Variants in TANC1 observed in about 807,000 individuals in gnomAD.
TANC1 encodes the protein protein TANC1.
Under a neutral mutation model 149.7 loss-of-function variants are expected in TANC1, and 77 were observed. The observed-to-expected ratio is 0.51, with a 90% CI of 0.43 to 0.62. The LOEUF (loss-of-function observed/expected upper bound fraction) is 0.62. Among genes scored for constraint, TANC1 ranks in the 20% least tolerant of loss-of-function variants. The pLI, the probability that TANC1 is intolerant of heterozygous loss-of-function variation, is 0.00. For synonymous variants in TANC1, 854 were observed against 925.0 expected (o/e 0.92, Z 1.39); for missense variants, 1,985 against 2,321.8 (o/e 0.85, Z 2.98).
chr2:159,225,251 T>G, intron 23 of TANC1: 2 of 217,548 alleles, frequency 9.2e-6, no homozygotes, highest in African/African-American at 2.3e-5. Context: ...GTTAGAGAGG[T>G]TGTGGCCGAG....
Position 159,225,795 on chromosome 2 carries a change from CT to C in TANC1, c.3903+20del, listed in dbSNP as rs767193779. On this transcript the variant is annotated intron_variant, in intron 24 of 26. Transcript: ENST00000263635. ...GATGTACAAAGTAAGTGGTTCCGCC[CT>C]TTTCTTTGCCATTGAAACTGCCTGG... is the stretch of plus-strand genomic sequence containing the variant. 10 of 1,594,614 alleles carry C rather than the reference CT, an allele frequency of 6.3e-6. No homozygotes were observed. Among genetic ancestry groups the C allele is most frequent in the African/African-American group, 1.3e-5 (1 of 74,518 alleles).
At chr2:158,996,494 A>T (rs1000871243) in intron 1 of TANC1, among the ~76,000 whole-genome samples, 26 of 152,370 alleles carry the variant, frequency 1.7e-4, no homozygotes, top group African/African-American at 6.0e-4. Context: ...ATCAATATGC[A>T]TTCTTCTAGA....
intron 4 of TANC1, among the ~76,000 whole-genome samples, chr2:159,122,710 T>G (rs926582287): frequency 1.3e-5 from 2 of 152,084 alleles, no homozygotes; most frequent in South Asian, 4.1e-4. Flanking sequence ...TCGCTTAGCC[T>G]AATGCAGTTG....
chr2:158,992,241 G>C (rs2035701543), intron 1 of TANC1, among the ~76,000 whole-genome samples: 1 of 151,896 alleles, frequency 6.6e-6, no homozygotes, highest in Non-Finnish European at 1.5e-5. Flanking sequence ...GTGTGCACCT[G>C]CAATCTCATC....
At chr2:159,219,423 C>T (rs1373868323) in intron 21 of TANC1, 62 bp downstream of exon 21, 3 of 1,594,898 alleles carry the variant, frequency 1.9e-6, no homozygotes, top group Non-Finnish European at 1.7e-6. Context: ...TTCAGCAGAC[C>T]CATTCAGTGC....
At chr2:159,114,530 T>G (rs2048046701) in intron 4 of TANC1, among the ~76,000 whole-genome samples, 1 of 152,114 alleles carries the variant, frequency 6.6e-6, no homozygotes, top group South Asian at 2.1e-4. Context: ...GCTAGTAGAG[T>G]AGTGTGTGAT....
intron 20 of TANC1, among the ~76,000 whole-genome samples, chr2:159,218,131 G>A (rs2059465356): frequency 6.6e-6 from 1 of 152,128 alleles, no homozygotes; most frequent in Non-Finnish European, 1.5e-5. Flanking sequence ...GTTCATTCAA[G>A]GGAGCAGGGA....
chr2:159,136,047 T>TGTGTGTGTGTGCAC, intron 4 of TANC1, 147 bp from the exon 5 acceptor site: 1 of 210,232 alleles, frequency 4.8e-6, no homozygotes, highest in Middle Eastern at 1.2e-3. Flanking sequence ...TGTGTGTGTG[T>TGTGTGTGTGTGCAC]GTGCGCGCGC....
chr2:159,079,536 G>A (rs2149783293), intron 3 of TANC1, among the ~76,000 whole-genome samples: 1 of 152,228 alleles, frequency 6.6e-6, no homozygotes, highest in East Asian at 1.9e-4. Flanking sequence ...GGGCAGTATA[G>A]CAGCCAGGCT....
At chr2:159,215,340 G>T (rs75052583) in intron 19 of TANC1, among the ~76,000 whole-genome samples, 6,131 of 152,224 alleles carry the variant, frequency 0.04, 394 homozygotes, top group African/African-American at 0.14. Context: ...AAGGACAGTC[G>T]GTAGAGACTG....
intron 5 of TANC1, among the ~76,000 whole-genome samples, chr2:159,142,967 G>A (rs2051547772): frequency 6.6e-6 from 1 of 151,424 alleles, no homozygotes. Context: ...GGAGGCTGAG[G>A]CAGGAGAATT....
chr2:159,149,006 G>A, intron 5 of TANC1, 136 bp from the exon 6 acceptor site: 1 of 1,003,388 alleles, frequency 1.0e-6, no homozygotes. Flanking sequence ...AGGACAGGGT[G>A]CGTTGTCCAA....
intron 3 of TANC1, among the ~76,000 whole-genome samples, chr2:159,091,396 A>G (rs1200655530): frequency 6.6e-6 from 1 of 152,238 alleles, no homozygotes; most frequent in Non-Finnish European, 1.5e-5. Flanking sequence ...TAATACATCT[A>G]AAAAATAAAA....
chr2:159,007,168 CAG>C (rs1205641820), intron 2 of TANC1, among the ~76,000 whole-genome samples: 1 of 75,038 alleles, frequency 1.3e-5, no homozygotes, highest in Admixed American at 2.0e-4. Context: ...TTTTTTGAGA[CAG>C]AGTTTTGCTC....
chr2:159,120,106 T>G (rs575219977), intron 4 of TANC1, among the ~76,000 whole-genome samples: 1 of 152,302 alleles, frequency 6.6e-6, no homozygotes, highest in South Asian at 2.1e-4. Context: ...TACTCCTGAC[T>G]TCAGAGATAG....
In TANC1 at chr2:159,054,061, TG is replaced by T. The variant is rs530820773; in HGVS notation, c.-15-11833del. 8.5e-5 allele frequency among the ~76,000 whole-genome samples: 13 copies of T among 152,346 alleles called. No homozygotes were observed. The East Asian group carries it at 1.5e-3, about 18-fold the overall frequency. On this transcript the variant is annotated intron_variant, in intron 2 of 26. Coordinates refer to ENST00000263635, the MANE Select transcript of TANC1 (RefSeq NM_033394.3). Reference sequence around the variant, plus strand: ...AGTGTGTGTGAGCCGTGTGTATGTTTGGCCAAAGCCGATTTATCTTTTCCAC... The same window carrying T: ...AGTGTGTGTGAGCCGTGTGTATGTTTGCCAAAGCCGATTTATCTTTTCCAC...
intron 1 of TANC1, among the ~76,000 whole-genome samples, chr2:158,991,091 C>CA (rs34411224): frequency 0.23 from 16,251 of 69,862 alleles, 2,145 homozygotes; most frequent in Non-Finnish European, 0.32. Flanking sequence ...GATCCTGTGT[C>CA]AAAAAAAAAA....
At chr2:159,168,256 G>T (rs1265858271) in intron 8 of TANC1, among the ~76,000 whole-genome samples, 2 of 148,720 alleles carry the variant, frequency 1.3e-5, no homozygotes, top group African/African-American at 4.9e-5. Flanking sequence ...TGCGGTAGTT[G>T]TTTTTGTAAT....
At chr2:159,072,647 A>AAAAGATAT (rs1460741560) in intron 3 of TANC1, among the ~76,000 whole-genome samples, 3 of 152,240 alleles carry the variant, frequency 2.0e-5, no homozygotes, top group African/African-American at 7.2e-5. Flanking sequence ...ATATATAAAT[A>AAAAGATAT]AAAGATATAC....
Sources: allele counts gnomAD v4.1 joint callset (sites outside exome capture counted in the v4.1 genomes callset), GRCh38; gene constraint gnomAD v4.1.1; transcripts MANE v1.5; gene names NCBI Gene and HGNC (gene_info 2026-07-23, HGNC 2026-07-21).